The following PTPRR variants were observed in gnomAD, a reference collection of about 807,000 sequenced individuals.
The protein encoded by PTPRR is protein tyrosine phosphatase receptor type R.
In PTPRR, 38 loss-of-function variants were observed where a neutral mutation model predicts 77.2. The observed-to-expected ratio is 0.49, with a 90% CI of 0.38 to 0.65. The LOEUF is 0.65. Among genes scored for constraint, PTPRR ranks in the 30% least tolerant of loss-of-function variants. The pLI is 0.00. For missense variants in PTPRR, 744 were observed against 799.2 expected, an observed-to-expected ratio of 0.93 and a Z score of 0.83; for synonymous variants, 299 against 283.1, an observed-to-expected ratio of 1.06 and a Z score of -0.57.
At chr12:70,726,390 T>C (rs1000248192) in intron 6 of PTPRR, among the ~76,000 whole-genome samples, 3 of 152,036 alleles carry the variant, frequency 2.0e-5, no homozygotes. Context: ...GCCAATTGGA[T>C]GCCCTTGAGC....
intron 2 of PTPRR, among the ~76,000 whole-genome samples, chr12:70,769,559 C>T (rs1333968670): frequency 6.6e-6 from 1 of 152,132 alleles, no homozygotes; most frequent in Non-Finnish European, 1.5e-5. Context: ...TAGGAAGAAT[C>T]AATATCATGA....
intron 13 of PTPRR, among the ~76,000 whole-genome samples, chr12:70,652,240 T>C (rs1223029037): frequency 6.6e-6 from 1 of 152,066 alleles, no homozygotes; most frequent in African/African-American, 2.4e-5. Flanking sequence ...TAGCCACACA[T>C]TGGAATTTTT....
chr12:70,702,859 C>T (rs141787872), intron 6 of PTPRR, among the ~76,000 whole-genome samples: 2,235 of 151,732 alleles, frequency 0.015, 19 homozygotes, highest in Middle Eastern at 0.031. Context: ...GATTTTTTTT[C>T]GAGATAAACA....
chr12:70,811,880 CTT>C (rs1033977918), intron 2 of PTPRR, among the ~76,000 whole-genome samples: 2 of 152,162 alleles, frequency 1.3e-5, no homozygotes, highest in Non-Finnish European at 2.9e-5. Context: ...CTTGTACAGA[CTT>C]TGCCTGATTC....
At chr12:70,644,339 G>T (rs1397488545) in intron 13 of PTPRR, among the ~76,000 whole-genome samples, 1 of 152,134 alleles carries the variant, frequency 6.6e-6, no homozygotes, top group Non-Finnish European at 1.5e-5. Flanking sequence ...TACCAAAAAA[G>T]AGTAAGGTCA....
intron 4 of PTPRR, chr12:70,754,667 C>T: frequency 6.3e-7 from 1 of 1,597,394 alleles, no homozygotes; most frequent in Non-Finnish European, 8.5e-7. Context: ...TAAGTCCCCT[C>T]CCACAACATC....
intron 2 of PTPRR, among the ~76,000 whole-genome samples, chr12:70,885,680 G>A (rs891950500): frequency 6.6e-6 from 1 of 151,326 alleles, no homozygotes; most frequent in African/African-American, 2.4e-5. Context: ...GACTATAGGC[G>A]CCCACCACCA....
chr12:70,764,259 A>G (rs1890760276), intron 3 of PTPRR, among the ~76,000 whole-genome samples: 1 of 152,106 alleles, frequency 6.6e-6, no homozygotes, highest in African/African-American at 2.4e-5. Context: ...AATGTCTGGA[A>G]ACTGCCTTAC....
At chr12:70,803,885 C>T (rs1311230214) in intron 2 of PTPRR, among the ~76,000 whole-genome samples, 1 of 152,102 alleles carries the variant, frequency 6.6e-6, no homozygotes, top group Non-Finnish European at 1.5e-5. Context: ...TATATGCCTG[C>T]ATGGGTGTGT....
chr12:70,801,222 T>C (rs541318613), intron 2 of PTPRR, among the ~76,000 whole-genome samples: 8 of 152,334 alleles, frequency 5.3e-5, no homozygotes, highest in Admixed American at 1.3e-4. Flanking sequence ...AGTTGGGCTC[T>C]ACCTTCTTAA....
At chr12:70,756,810 G>A (rs2136953969) in intron 4 of PTPRR, among the ~76,000 whole-genome samples, 1 of 152,110 alleles carries the variant, frequency 6.6e-6, no homozygotes, top group South Asian at 2.1e-4. Flanking sequence ...TCTGATCTCA[G>A]ATGCAGAAGG....
chr12:70,743,064 C>T (rs1446845730), intron 6 of PTPRR, among the ~76,000 whole-genome samples: 5 of 151,920 alleles, frequency 3.3e-5, no homozygotes, highest in African/African-American at 1.2e-4. Flanking sequence ...TCAGGAATCA[C>T]TAAAAGGTGG....
intron 2 of PTPRR, among the ~76,000 whole-genome samples, chr12:70,798,080 C>A (rs1487849199): frequency 6.6e-6 from 1 of 152,136 alleles, no homozygotes; most frequent in Admixed American, 6.5e-5. Flanking sequence ...TCAAGGTGCC[C>A]AAAATTGAGA....
intron 2 of PTPRR, among the ~76,000 whole-genome samples, chr12:70,765,999 CA>C (rs987379456): frequency 1.4e-4 from 21 of 152,104 alleles, no homozygotes; most frequent in African/African-American, 4.6e-4. Flanking sequence ...ACATCCACAC[CA>C]AAAACCCATG....
chr12:70,880,278 C>G (rs1019484261), intron 2 of PTPRR, among the ~76,000 whole-genome samples: 4 of 151,964 alleles, frequency 2.6e-5, no homozygotes, highest in African/African-American at 9.7e-5. Flanking sequence ...AACAAGGAAA[C>G]TGAAATACAA....
At chr12:70,872,365 GA>G (rs1892973038) in intron 2 of PTPRR, among the ~76,000 whole-genome samples, 2 of 151,860 alleles carry the variant, frequency 1.3e-5, no homozygotes, top group South Asian at 4.2e-4. Context: ...TTTTTCAAAG[GA>G]AAGATAGCAG....
At chr12:70,897,421 C>T (rs1386227324) in intron 1 of PTPRR, among the ~76,000 whole-genome samples, 1 of 151,692 alleles carries the variant, frequency 6.6e-6, no homozygotes, top group African/African-American at 2.4e-5. Context: ...TCATCACTGG[C>T]CATCAGAGAA....
intron 2 of PTPRR, among the ~76,000 whole-genome samples, chr12:70,787,910 T>C (rs1565697330): frequency 6.6e-6 from 1 of 152,310 alleles, no homozygotes; most frequent in East Asian, 1.9e-4. Context: ...AAAATTAAAA[T>C]TATCTATGAC....
chr12:70,769,191 A>G (rs1454704464), intron 2 of PTPRR, among the ~76,000 whole-genome samples: 9 of 149,046 alleles, frequency 6.0e-5, no homozygotes, highest in African/African-American at 1.8e-4. Flanking sequence ...AATAAAGGGT[A>G]TTCAATTAGG....
Sources: gnomAD v4.1 joint callset for allele counts (sites outside exome capture counted in the v4.1 genomes callset) on GRCh38, gnomAD v4.1.1 for gene constraint, MANE v1.5 for transcripts, NCBI Gene and HGNC (gene_info 2026-07-23, HGNC 2026-07-21) for gene names.